The following CPS1 variants were observed in gnomAD, a reference collection of about 807,000 sequenced individuals.
CPS1 encodes the protein carbamoyl-phosphate synthase [ammonia], mitochondrial.
In CPS1, 109 loss-of-function variants were observed where a neutral mutation model predicts 174.6. The observed-to-expected ratio is 0.62, with a 90% confidence interval of 0.53 to 0.73. The LOEUF is 0.73. Among genes scored for constraint, CPS1 ranks in the 30% least tolerant of loss-of-function variants. CPS1 has a pLI of 0.00. For missense variants in CPS1, 1,689 were observed against 1,821.9 expected, an observed-to-expected ratio of 0.93 and a Z score of 1.33; for synonymous variants, 637 against 632.0, an observed-to-expected ratio of 1.01 and a Z score of -0.12.
chr2:210,536,422 G>C (rs933615772), intron 1 of CPS1, among the ~76,000 whole-genome samples: 1 of 150,278 alleles, frequency 6.7e-6, no homozygotes, highest in Non-Finnish European at 1.5e-5. Context: ...CCGGGTTCAC[G>C]CCATTCTCCT....
intron 1 of CPS1, among the ~76,000 whole-genome samples, chr2:210,532,660 A>G (rs1696146160): frequency 6.6e-6 from 1 of 152,130 alleles, no homozygotes; most frequent in South Asian, 2.1e-4. Flanking sequence ...GAATTGCTCT[A>G]TTAAATTAAA....
intron 1 of CPS1, among the ~76,000 whole-genome samples, chr2:210,507,330 G>A (rs367825795): frequency 6.6e-6 from 1 of 152,158 alleles, no homozygotes; most frequent in African/African-American, 2.4e-5. Flanking sequence ...CAAATGCTGA[G>A]AGATTTTCTC....
chr2:210,608,198 A>G (rs1355689030), intron 18 of CPS1, among the ~76,000 whole-genome samples, 163 bp from the exon 19 acceptor site: 1 of 151,878 alleles, frequency 6.6e-6, no homozygotes, highest in Non-Finnish European at 1.5e-5. Flanking sequence ...GACTCCTATT[A>G]TTCCGCAAGT....
chr2:210,503,663 C>A (rs911657462), intron 1 of CPS1, among the ~76,000 whole-genome samples: 1 of 152,100 alleles, frequency 6.6e-6, no homozygotes, highest in South Asian at 2.1e-4. Context: ...AATCCAAAAA[C>A]GATACCTACA....
chr2:210,608,041 G>A (rs1698980368), intron 18 of CPS1, among the ~76,000 whole-genome samples: 1 of 151,814 alleles, frequency 6.6e-6, no homozygotes, highest in Admixed American at 6.6e-5. Flanking sequence ...TCTTAGTGGA[G>A]GTTAAATACA....
Position 210,648,038 on chromosome 2 carries a change from G to A in CPS1, c.3317G>A (p.Trp1106Ter), listed in dbSNP as rs1700436943. The change falls in exon 26 of 38, where the codon TGG becomes TAG. Residue 1106 changes from tryptophan (W) to a stop codon, truncating the protein, a stop_gained. Transcript: ENST00000233072. LOFTEE classifies it high-confidence loss of function. Reference protein sequence around the residue: ...LDELKVAQAPWKAVNTLNEAL... With the variant: ...LDELKVAQAP ...GAGCTGAAGGTGGCTCAGGCACCTT[G>A]GAAAGCTGTTAATACTTTGGTAAGG... 1 of 1,613,960 alleles carries A rather than the reference G, an allele frequency of 6.2e-7. No homozygotes were observed. Among genetic ancestry groups the A allele is most frequent in the African/African-American group, 1.3e-5 (1 of 75,036 alleles).
At chr2:210,512,070 C>T (rs1320459449) in intron 1 of CPS1, among the ~76,000 whole-genome samples, 1 of 152,006 alleles carries the variant, frequency 6.6e-6, no homozygotes, top group Non-Finnish European at 1.5e-5. Context: ...ACCATTTTTC[C>T]CTAGCCCTCT....
chr2:210,520,997 T>C (rs1235250385), intron 1 of CPS1, among the ~76,000 whole-genome samples: 1 of 152,056 alleles, frequency 6.6e-6, no homozygotes, highest in East Asian at 1.9e-4. Flanking sequence ...GGTGAGTGTA[T>C]GTTAGGCTTT....
At chr2:210,485,867 A>G (rs1322305669) in intron 1 of CPS1, among the ~76,000 whole-genome samples, 2 of 152,016 alleles carry the variant, frequency 1.3e-5, no homozygotes, top group South Asian at 4.2e-4. Context: ...TGATTGTACC[A>G]TTTCACATTC....
chr2:210,510,239 C>T (rs1034450834), intron 1 of CPS1, among the ~76,000 whole-genome samples: 1 of 152,176 alleles, frequency 6.6e-6, no homozygotes, highest in African/African-American at 2.4e-5. Context: ...CTACAACTAT[C>T]TGATCTTTGA....
At chr2:210,665,484 C>T (rs1701064674) in intron 33 of CPS1, among the ~76,000 whole-genome samples, 1 of 139,948 alleles carries the variant, frequency 7.1e-6, no homozygotes. Context: ...CCTCCCCCCA[C>T]TCCACAACAG....
chr2:210,607,538 G>T (rs1318952511), intron 18 of CPS1, among the ~76,000 whole-genome samples: 1 of 151,860 alleles, frequency 6.6e-6, no homozygotes, highest in East Asian at 1.9e-4. Context: ...CTTAAATTAT[G>T]GCATTTAAAT....
intron 21 of CPS1, among the ~76,000 whole-genome samples, chr2:210,625,183 G>C (rs1321937789): frequency 6.6e-6 from 1 of 151,680 alleles, no homozygotes; most frequent in Non-Finnish European, 1.5e-5. Context: ...CTAGTTATTA[G>C]ACCAAATGGT....
chr2:210,669,657 G>T (rs1450611270), intron 34 of CPS1, among the ~76,000 whole-genome samples: 1 of 152,092 alleles, frequency 6.6e-6, no homozygotes, highest in Non-Finnish European at 1.5e-5. Context: ...TAGAGCAGAG[G>T]CTAACAAGAT....
In CPS1 at chr2:210,599,532, G is replaced by T. The variant is rs1255335680; in HGVS notation, c.1520G>T (p.Gly507Val). 7 of 1,612,400 alleles carry T rather than the reference G, an allele frequency of 4.3e-6. No individual in the cohort carries two copies. Among genetic ancestry groups the T allele is most frequent in the Non-Finnish European group, 5.9e-6 (7 of 1,178,956 alleles). Residue 507 changes from glycine to valine, a missense_variant, in exon 14 of 38, where the codon GGC becomes GTC. Transcript: ENST00000233072. ...GAACAGCCAGATGGGTTAATTCTGG[G>T]CATGGGTGGCCAGACAGCTCTGAAC... ...KAEQPDGLILGMGGQTALNCG... is the reference protein window; with the variant it reads ...KAEQPDGLILVMGGQTALNCG...
chr2:210,502,626 A>T (rs1695177066), intron 1 of CPS1, among the ~76,000 whole-genome samples: 1 of 151,848 alleles, frequency 6.6e-6, no homozygotes, highest in Non-Finnish European at 1.5e-5. Flanking sequence ...TCAGGACAGG[A>T]GAGAGAAAAA....
chr2:210,545,776 A>C (rs1471266650), intron 1 of CPS1, among the ~76,000 whole-genome samples: 3 of 151,938 alleles, frequency 2.0e-5, no homozygotes. Context: ...TGATCATCAG[A>C]CCTTTTAGCC....
intron 1 of CPS1, among the ~76,000 whole-genome samples, chr2:210,548,771 C>T (rs1263562499): frequency 6.6e-6 from 1 of 152,038 alleles, no homozygotes; most frequent in African/African-American, 2.4e-5. Flanking sequence ...TGCCCTATGA[C>T]TCAACTTACA....
chr2:210,489,729 T>C (rs1214226700), intron 1 of CPS1, among the ~76,000 whole-genome samples: 1 of 151,986 alleles, frequency 6.6e-6, no homozygotes, highest in Non-Finnish European at 1.5e-5. Context: ...CATACTATTA[T>C]AAGAATAAAA....
Sources: allele counts gnomAD v4.1 joint callset (sites outside exome capture counted in the v4.1 genomes callset), GRCh38; gene constraint gnomAD v4.1.1; transcripts MANE v1.5; gene names NCBI Gene and HGNC (gene_info 2026-07-23, HGNC 2026-07-21).